Variants in ITPKB observed in about 807,000 individuals in gnomAD.
ITPKB encodes the protein IP3 3-kinase B.
ITPKB carries 13 observed loss-of-function variants against 69.4 expected under a neutral mutation model. The ratio of observed to expected loss-of-function variants is 0.19; its 90% CI spans 0.12 to 0.30. The LOEUF (loss-of-function observed/expected upper bound fraction) is 0.30, where lower values mean the gene tolerates loss of function less well. ITPKB is among the 10% of genes least tolerant of loss of function. The pLI is 1.00. For missense variants in ITPKB, 1,240 were observed against 1,250.5 expected (o/e 0.99, Z 0.13); for synonymous variants, 584 against 513.7 (o/e 1.14, Z -1.85).
In ITPKB at chr1:226,738,313, C is replaced by G. The variant is rs1249790390; in HGVS notation, c.-205-650G>C. Among the ~76,000 whole-genome samples, 1 of 152,120 alleles carries G rather than the reference C, an allele frequency of 6.6e-6. No individual in the cohort carries two copies. Among genetic ancestry groups the G allele is most frequent in the Non-Finnish European group, 1.5e-5 (1 of 68,004 alleles). On this transcript the variant is annotated intron_variant, in intron 1 of 7. Transcript: ENST00000429204. The surrounding 1 kb of genome is among the most constrained non-coding windows in gnomAD (Gnocchi z 4.2). Reference sequence around the variant, plus strand: ...CGAAGGCCTGGGCGGGCAGCGGGGCCGCAGCCGAAGCATTTTTCAGGGCTA... The same window carrying G: ...CGAAGGCCTGGGCGGGCAGCGGGGCGGCAGCCGAAGCATTTTTCAGGGCTA...
rs148350651 is a variant in ITPKB, at chr1:226,720,124, A to G, written c.1932+15403T>C. On this transcript the variant is annotated intron_variant, in intron 2 of 7. Transcript: ENST00000429204. The stretch of plus-strand genomic sequence containing the variant: ...TTTTTAAACAAAGGCCCATTCATTT[A>G]TAAGGAAAAGAATCCACTCTTAGTT... 5.9e-5 allele frequency among the ~76,000 whole-genome samples: 9 copies of G among 152,366 alleles called. No homozygotes were observed. The East Asian group carries it at 1.7e-3, about 29-fold the overall frequency.
At chr1:226,658,972 T>A (rs1283603545) in intron 2 of ITPKB, among the ~76,000 whole-genome samples, 1 of 152,178 alleles carries the variant, frequency 6.6e-6, no homozygotes, top group Non-Finnish European at 1.5e-5. Flanking sequence ...CCAATCAGGC[T>A]GCGAGGGCTG....
intron 2 of ITPKB, among the ~76,000 whole-genome samples, chr1:226,672,765 C>T (rs1571852364): frequency 6.6e-6 from 1 of 152,254 alleles, no homozygotes; most frequent in Admixed American, 6.5e-5. Flanking sequence ...TGGGGTAGGG[C>T]GAAGAAATCT....
At chr1:226,700,534 A>G (rs921011798) in intron 2 of ITPKB, among the ~76,000 whole-genome samples, 3 of 150,880 alleles carry the variant, frequency 2.0e-5, no homozygotes, top group Non-Finnish European at 4.4e-5. Flanking sequence ...TCAAGTTGAC[A>G]CTCAGTATTA....
At chr1:226,659,191 C>T (rs781497411) in intron 2 of ITPKB, among the ~76,000 whole-genome samples, 6 of 152,126 alleles carry the variant, frequency 3.9e-5, no homozygotes, top group African/African-American at 7.2e-5. Flanking sequence ...GTTTCTAGGC[C>T]AAGGGCAGCA....
chr1:226,646,841 G>A (rs1308474606), intron 4 of ITPKB, among the ~76,000 whole-genome samples: 12 of 152,114 alleles, frequency 7.9e-5, no homozygotes, highest in Admixed American at 7.9e-4. Context: ...CACCCCCAGC[G>A]ATCCCACCTG....
chr1:226,678,511 G>A (rs1655969826), intron 2 of ITPKB, among the ~76,000 whole-genome samples: 1 of 152,238 alleles, frequency 6.6e-6, no homozygotes, highest in South Asian at 2.1e-4. Flanking sequence ...GCCAGGCTGA[G>A]TGTGAATTCT....
chr1:226,733,597 A>G (rs1044207653), intron 2 of ITPKB, among the ~76,000 whole-genome samples: 2 of 151,592 alleles, frequency 1.3e-5, no homozygotes, highest in African/African-American at 4.9e-5. Context: ...CACCCACCCC[A>G]CTTCCCACCA....
intron 3 of ITPKB, among the ~76,000 whole-genome samples, chr1:226,647,821 G>A (rs966026578): frequency 6.6e-6 from 1 of 152,250 alleles, no homozygotes; most frequent in Non-Finnish European, 1.5e-5. Flanking sequence ...AGGCTGAGAA[G>A]CTGGGGGGCC....
At chr1:226,691,971 C>T (rs1656366892) in intron 2 of ITPKB, among the ~76,000 whole-genome samples, 1 of 152,150 alleles carries the variant, frequency 6.6e-6, no homozygotes, top group Admixed American at 6.5e-5. Context: ...CAGGTACCTG[C>T]TGAACCCCAA....
intron 2 of ITPKB, 79 bp downstream of exon 2, chr1:226,735,448 A>G: frequency 1.4e-6 from 2 of 1,403,200 alleles, no homozygotes; most frequent in East Asian, 2.6e-5. Flanking sequence ...GTAGAAAGTT[A>G]AGAAAAAGGG....
At chr1:226,662,529 A>C (rs2102758404) in intron 2 of ITPKB, among the ~76,000 whole-genome samples, 1 of 152,332 alleles carries the variant, frequency 6.6e-6, no homozygotes, top group South Asian at 2.1e-4. Context: ...CCAATTGCTA[A>C]AAGTTTACCT....
chr1:226,668,817 C>T lies in ITPKB; in HGVS notation c.1933-20046G>A, dbSNP rs1183310115. On this transcript the variant is annotated intron_variant, in intron 2 of 7. Coordinates refer to ENST00000429204, the MANE Select transcript of ITPKB (RefSeq NM_002221.4). The stretch of plus-strand genomic sequence containing the variant: ...TTGATCATGATGAATAGGGAAAGAT[C>T]AGTATTTACGAAGTCTGATCAATTT... 2.6e-5 allele frequency: 4 copies of T among 152,172 alleles called. 1 individual carries two copies. Among genetic ancestry groups the T allele is most frequent in the African/African-American group, 9.7e-5 (4 of 41,432 alleles). The allele number at this position is 152,172 out of a possible 1,614,324, so 9.4% of individuals were successfully genotyped here. A position where few individuals can be genotyped will look rare whatever the true frequency, so the allele number is the denominator to read the frequency against.
intron 2 of ITPKB, among the ~76,000 whole-genome samples, chr1:226,664,656 A>G (rs1226019639): frequency 6.6e-6 from 1 of 152,206 alleles, no homozygotes; most frequent in Non-Finnish European, 1.5e-5. Context: ...CAATGCTATT[A>G]TTAGGGCACA....
intron 2 of ITPKB, among the ~76,000 whole-genome samples, chr1:226,657,619 C>T (rs1006926952): frequency 6.6e-6 from 1 of 152,200 alleles, no homozygotes; most frequent in South Asian, 2.1e-4. Flanking sequence ...AAAGAGATCA[C>T]GTTACATGTC....
intron 2 of ITPKB, among the ~76,000 whole-genome samples, chr1:226,696,444 T>C (rs1656488615): frequency 6.6e-6 from 1 of 152,170 alleles, no homozygotes; most frequent in African/African-American, 2.4e-5. Context: ...TAGCAACTTA[T>C]TTTACTATCT....
chr1:226,684,890 C>T (rs954322425), intron 2 of ITPKB, among the ~76,000 whole-genome samples: 2 of 152,154 alleles, frequency 1.3e-5, no homozygotes, highest in Non-Finnish European at 2.9e-5. Flanking sequence ...ATGGAGGGCC[C>T]CTGCCTGCCT....
chr1:226,725,781 T>C (rs1417031847), intron 2 of ITPKB, among the ~76,000 whole-genome samples: 6 of 152,194 alleles, frequency 3.9e-5, no homozygotes, highest in African/African-American at 1.4e-4. Flanking sequence ...ATGGCCGAGA[T>C]GGTCACACAG....
chr1:226,677,197 A>T (rs1669749898), intron 2 of ITPKB, among the ~76,000 whole-genome samples: 1 of 152,244 alleles, frequency 6.6e-6, no homozygotes, highest in Non-Finnish European at 1.5e-5. Context: ...TATTCTGCTC[A>T]CAAGGATATT....
Sources: allele counts gnomAD v4.1 joint callset (sites outside exome capture counted in the v4.1 genomes callset), GRCh38; gene constraint gnomAD v4.1.1; non-coding constraint Gnocchi (gnomAD v3.1); transcripts MANE v1.5; gene names NCBI Gene and HGNC (gene_info 2026-07-23, HGNC 2026-07-21).